CALY: variants seen among roughly 807,000 people sequenced by gnomAD.
CALY encodes calcyon neuron specific vesicular protein.
In CALY, 15 loss-of-function variants were observed where a neutral mutation model predicts 20.2. The ratio of observed to expected loss-of-function variants is 0.74; its 90% CI spans 0.50 to 1.14. The LOEUF (loss-of-function observed/expected upper bound fraction) is 1.14, where lower values mean the gene tolerates loss of function less well. Ranked by LOEUF, CALY falls within the 50% of genes most tolerant of loss-of-function variation. The probability of loss-of-function intolerance (pLI) is 0.00; values close to 1 mark genes in which losing one functional copy is unlikely to be tolerated. For missense variants in CALY, 270 were observed against 304.4 expected (o/e 0.89, Z 0.84); for synonymous variants, 129 against 131.8 (o/e 0.98, Z 0.15).
chr10:133,333,730 A>G (rs1848364538), intron 1 of CALY, among the ~76,000 whole-genome samples: 2 of 131,670 alleles, frequency 1.5e-5, no homozygotes, highest in African/African-American at 2.9e-5. Flanking sequence ...TCTGAGGGGG[A>G]AAGATCTGAG....
intron 1 of CALY, among the ~76,000 whole-genome samples, chr10:133,333,557 C>G (rs1264288336): frequency 2.0e-5 from 3 of 147,636 alleles, no homozygotes; most frequent in African/African-American, 7.5e-5. Context: ...ACTTGGGGAA[C>G]GATCCAAGTG....
At chr10:133,326,407 C>A in intron 4 of CALY, 2 of 716,174 alleles carry the variant, frequency 2.8e-6, no homozygotes, top group South Asian at 1.7e-5. Flanking sequence ...AGAGCATAAA[C>A]CATGGAGTTA....
chr10:133,330,802 C>T (rs1478591207), intron 1 of CALY, among the ~76,000 whole-genome samples: 1 of 151,208 alleles, frequency 6.6e-6, no homozygotes, highest in East Asian at 1.9e-4. Context: ...GACAAGGGAG[C>T]ACTCACCAGC....
intron 1 of CALY, among the ~76,000 whole-genome samples, chr10:133,330,836 T>A (rs1272977540): frequency 6.6e-6 from 1 of 150,934 alleles, no homozygotes; most frequent in Non-Finnish European, 1.5e-5. Flanking sequence ...GTAGCCTCAG[T>A]CCCTAACCCA....
chr10:133,335,958 G>A (rs990722589), intron 1 of CALY, among the ~76,000 whole-genome samples: 37 of 152,300 alleles, frequency 2.4e-4, no homozygotes, highest in African/African-American at 8.2e-4. Context: ...AAAGTCCACG[G>A]AAGCTCGGCT....
chr10:133,324,701 T>C lies in CALY; in HGVS notation c.*894A>G, dbSNP rs1340581012. 3.0e-6 allele frequency: 1 copy of C among 338,870 alleles called. No homozygotes were observed. Among genetic ancestry groups the C allele is most frequent in the African/African-American group, 2.5e-5 (1 of 40,572 alleles). 21.0% of individuals were successfully genotyped at this position (338,870 alleles called of 1,614,324 possible). A position where few individuals can be genotyped will look rare whatever the true frequency, so the allele number is the denominator to read the frequency against. On this transcript the variant is annotated 3_prime_UTR_variant, in exon 6 of 6. Transcript: ENST00000252939. ...GGTGGTGGGTGAGATCTGCCGGAAGTCCATTCCCTGTAGTGTTCAGTGCCG... is the reference window on the plus strand; with the variant it reads ...GGTGGTGGGTGAGATCTGCCGGAAGCCCATTCCCTGTAGTGTTCAGTGCCG...
chr10:133,326,982 C>A lies in CALY; in HGVS notation c.256G>T (p.Ala86Ser), dbSNP rs149330191. The A allele has an allele frequency of 1.2e-6, 2 of 1,606,560 alleles. No homozygotes were observed. The highest frequency in any genetic ancestry group is 1.3e-5 in the African/African-American group (1 of 75,016). ...GCCATGGCGAAGGCGATCATCCGTGCGGTGGGCAGCTGGCAGGAGGGCAGA... is the reference window on the plus strand; with the variant it reads ...GCCATGGCGAAGGCGATCATCCGTGAGGTGGGCAGCTGGCAGGAGGGCAGA... ...HPEEGRRLPT[A>S]RMIAFAMALL... The change falls in exon 4 of 6, where the codon GCA (alanine) becomes TCA (serine). Residue 86 changes from alanine to serine, a missense_variant. Ala to Ser is a moderately conservative substitution (Grantham distance 99). Coordinates refer to ENST00000252939, the MANE Select transcript of CALY (RefSeq NM_015722.4).
chr10:133,336,213 G>C (rs754059903), intron 1 of CALY, among the ~76,000 whole-genome samples: 36 of 152,242 alleles, frequency 2.4e-4, no homozygotes, highest in Admixed American at 5.9e-4. Flanking sequence ...GCAGCCCCTC[G>C]GAGGGGAGTG....
At chr10:133,329,295 G>A (rs1848263178) in intron 1 of CALY, among the ~76,000 whole-genome samples, 1 of 152,152 alleles carries the variant, frequency 6.6e-6, no homozygotes, top group Non-Finnish European at 1.5e-5. Flanking sequence ...GACTTCCAAC[G>A]GCAGCTGCTC....
At chr10:133,326,814 C>T in intron 4 of CALY, 64 bp downstream of exon 4, 2 of 1,108,538 alleles carry the variant, frequency 1.8e-6, no homozygotes, top group Admixed American at 2.0e-5. Flanking sequence ...CTGCCACCCC[C>T]TGCCTGGAGG....
chr10:133,336,217 G>A (rs1447647679), intron 1 of CALY, among the ~76,000 whole-genome samples: 1 of 151,838 alleles, frequency 6.6e-6, no homozygotes, highest in Non-Finnish European at 1.5e-5. Context: ...CCCCTCGGAG[G>A]GGAGTGGGCG....
intron 3 of CALY, chr10:133,327,607 G>A (rs2133377090): frequency 1.7e-6 from 1 of 594,564 alleles, no homozygotes; most frequent in Middle Eastern, 2.7e-4. Context: ...CACTGAAGAT[G>A]AGACAATGAC....
At position 133,332,263 on chromosome 10, in the gene CALY, C is replaced by A. The variant is rs117105352; in HGVS notation, c.-20-3254G>T. Among the ~76,000 whole-genome samples the A allele has an allele frequency of 1.6e-3, 240 of 152,314 alleles. 3 individuals are homozygous for A. Among genetic ancestry groups the A allele is most frequent in the South Asian group, 7.0e-3 (34 of 4,824 alleles). Reference sequence around the variant, plus strand: ...ACGTGACACACTTTGCACACACAGACCCTGATTTGCAGCATGGCTGCCTCT... The same window carrying A: ...ACGTGACACACTTTGCACACACAGAACCTGATTTGCAGCATGGCTGCCTCT... On this transcript the variant is annotated intron_variant, in intron 1 of 5. Coordinates refer to ENST00000252939, the MANE Select transcript of CALY (RefSeq NM_015722.4).
In CALY at chr10:133,325,928, C is replaced by T. The variant is rs1181360035; in HGVS notation, c.553G>A (p.Ala185Thr). The change falls in exon 5 of 6, where the codon GCG (alanine) becomes ACG (threonine). Residue 185 changes from alanine to threonine, a missense_variant. Transcript: ENST00000252939. Reference sequence around the variant, plus strand: ...CCGGGGGGTTCGGTGGCCGCCGCCGCCGCCCCAGCCTGGGTGGGCCCCTTG... The same window carrying T: ...CCGGGGGGTTCGGTGGCCGCCGCCGTCGCCCCAGCCTGGGTGGGCCCCTTG... ...ERKGPTQAGA[A>T]AAATEPPGKP... 2 of 1,315,650 alleles carry T rather than the reference C, an allele frequency of 1.5e-6. No homozygotes were observed. The highest frequency in any genetic ancestry group is 1.5e-5 in the African/African-American group (1 of 65,376). 81.5% of individuals were successfully genotyped at this position (1,315,650 alleles called of 1,614,324 possible). A position where few individuals can be genotyped will look rare whatever the true frequency, so the allele number is the denominator to read the frequency against.
At chr10:133,327,037 G>A (rs1848226227) in intron 3 of CALY, 46 bp from the exon 4 acceptor site, 10 of 1,355,440 alleles carry the variant, frequency 7.4e-6, no homozygotes, top group East Asian at 2.4e-5. Flanking sequence ...GGCAGGGGCG[G>A]TCTTTGTGGG....
chr10:133,327,996 G>A lies in CALY; in HGVS notation c.155C>T (p.Thr52Ile). The change falls in exon 3 of 6, where the codon ACA becomes ATA. Residue 52 changes from threonine (T) to isoleucine (I), a missense_variant. By Grantham distance (89) the Thr-to-Ile change is moderately conservative. Coordinates refer to ENST00000252939, the MANE Select transcript of CALY (RefSeq NM_015722.4). ...LPDQVVIKTQTEYQLSSPDQQ... is the reference protein window; with the variant it reads ...LPDQVVIKTQIEYQLSSPDQQ... Reference sequence around the variant, plus strand: ...GTCTGGGGAGGACAGCTGGTATTCTGTCTGTGTCTTGATGACCACCTGTGA... The same window carrying A: ...GTCTGGGGAGGACAGCTGGTATTCTATCTGTGTCTTGATGACCACCTGTGA... 6.2e-7 allele frequency: 1 copy of A among 1,610,804 alleles called. No homozygotes were observed. Among genetic ancestry groups the A allele is most frequent in the Non-Finnish European group, 8.5e-7 (1 of 1,178,294 alleles).
At position 133,332,783 on chromosome 10, in the gene CALY, T is replaced by C. The variant is rs1001310082; in HGVS notation, c.-20-3774A>G. The stretch of plus-strand genomic sequence containing the variant: ...CTTGACCCAAAACTGGTATCGTTAT[T>C]AAAACAGGGAAATTAGACATAGGAG... On this transcript the variant is annotated intron_variant, in intron 1 of 5. Transcript: ENST00000252939. 5.3e-5 allele frequency among the ~76,000 whole-genome samples: 8 copies of C among 152,078 alleles called. No homozygotes were observed. In the South Asian group the frequency reaches 8.3e-4, roughly 16 times the overall value.
rs1485887393 is a variant in CALY, at chr10:133,328,973, C to T, written c.17G>A (p.Cys6Tyr). Reference sequence around the variant, plus strand: ...TTTACCTGGCTTCCCAGAGAAGCTGCAGCCCAGCTTCACCATGGTGGATGG... The same window carrying T: ...TTTACCTGGCTTCCCAGAGAAGCTGTAGCCCAGCTTCACCATGGTGGATGG... MVKLG[C>Y]SFSGKPGKDP... The change falls in exon 2 of 6, where the codon TGC becomes TAC. Residue 6 changes from cysteine (C) to tyrosine (Y), a missense_variant. Physicochemically the swap from Cys to Tyr is radical, Grantham distance 194. Coordinates refer to ENST00000252939, the MANE Select transcript of CALY (RefSeq NM_015722.4). 3.2e-6 allele frequency: 5 copies of T among 1,564,432 alleles called. No individual in the cohort carries two copies. The Admixed American group carries it at 9.3e-5, about 29-fold the overall frequency.
intron 1 of CALY, among the ~76,000 whole-genome samples, chr10:133,335,562 G>A (rs1025096510): frequency 4.6e-5 from 7 of 152,196 alleles, no homozygotes; most frequent in Non-Finnish European, 1.0e-4. Flanking sequence ...CTGGTTCCGG[G>A]CCCAGCGCCC....
Sources: allele counts gnomAD v4.1 joint callset (sites outside exome capture counted in the v4.1 genomes callset), GRCh38; gene constraint gnomAD v4.1.1; transcripts MANE v1.5; gene names NCBI Gene and HGNC (gene_info 2026-07-23, HGNC 2026-07-21).